SCMH1: variants seen among roughly 807,000 people sequenced by gnomAD.
SCMH1 encodes Scm polycomb group protein homolog 1.
A neutral mutation model predicts 70.8 loss-of-function variants in SCMH1; 37 were observed. That is an observed-to-expected ratio of 0.52 (90% CI 0.40 to 0.69). SCMH1 has a LOEUF of 0.69. SCMH1 is among the 30% of genes least tolerant of loss of function. SCMH1 has a pLI of 0.00. For missense variants in SCMH1, 607 were observed against 827.3 expected, an observed-to-expected ratio of 0.73 and a Z score of 3.27; for synonymous variants, 292 against 307.4, an observed-to-expected ratio of 0.95 and a Z score of 0.52.
At chr1:41,139,987 TAGAC>T (rs1456636881) in intron 6 of SCMH1, among the ~76,000 whole-genome samples, 7 of 152,222 alleles carry the variant, frequency 4.6e-5, no homozygotes, top group Non-Finnish European at 7.3e-5. Flanking sequence ...TACAGTCACT[TAGAC>T]AGAAACTAAT....
intron 10 of SCMH1, among the ~76,000 whole-genome samples, chr1:41,063,865 G>C (rs532910397): frequency 2.1e-4 from 32 of 152,266 alleles, no homozygotes; most frequent in African/African-American, 7.7e-4. Flanking sequence ...GGCTTAGATA[G>C]GTTCATTCGT....
At chr1:41,104,851 C>G (rs1314748271) in intron 8 of SCMH1, among the ~76,000 whole-genome samples, 1 of 152,126 alleles carries the variant, frequency 6.6e-6, no homozygotes, top group Non-Finnish European at 1.5e-5. Flanking sequence ...TGTTTAGTAA[C>G]TGAGAGGTGA....
At chr1:41,100,040 T>C (rs1286570259) in intron 8 of SCMH1, among the ~76,000 whole-genome samples, 2 of 152,176 alleles carry the variant, frequency 1.3e-5, no homozygotes, top group South Asian at 4.1e-4. Context: ...AATAAGACTG[T>C]GTCTATAGGT....
chr1:41,044,606 C>T (rs781137559), intron 12 of SCMH1, among the ~76,000 whole-genome samples: 15 of 152,048 alleles, frequency 9.9e-5, no homozygotes, highest in East Asian at 1.9e-4. Context: ...TGAGCACCCA[C>T]GATGAGAAAC....
intron 6 of SCMH1, among the ~76,000 whole-genome samples, chr1:41,122,941 C>T (rs765549470): frequency 1.3e-5 from 2 of 152,064 alleles, no homozygotes; most frequent in Non-Finnish European, 2.9e-5. Flanking sequence ...AGCTGCAGGC[C>T]GGGCACAGTG....
intron 8 of SCMH1, among the ~76,000 whole-genome samples, chr1:41,105,080 G>C (rs1361910527): frequency 6.6e-6 from 1 of 150,972 alleles, no homozygotes; most frequent in Middle Eastern, 3.4e-3. Flanking sequence ...TTCAATATCC[G>C]AAGTAGCTGG....
intron 2 of SCMH1, among the ~76,000 whole-genome samples, chr1:41,181,939 G>GT (rs1454482837): frequency 1.3e-5 from 2 of 152,124 alleles, no homozygotes; most frequent in African/African-American, 2.4e-5. Context: ...GCAAAGACTT[G>GT]GAACCAACCC....
At chr1:41,115,968 T>C (rs979728640) in intron 7 of SCMH1, among the ~76,000 whole-genome samples, 7 of 152,346 alleles carry the variant, frequency 4.6e-5, no homozygotes, top group Middle Eastern at 3.4e-3. Flanking sequence ...CTTGTGATAA[T>C]TGATGTATCT....
chr1:41,035,733 G>A (rs773512292), intron 13 of SCMH1, among the ~76,000 whole-genome samples: 11 of 152,244 alleles, frequency 7.2e-5, no homozygotes, highest in South Asian at 2.1e-4. Context: ...GCTGACATAC[G>A]TGCTTGAAGG....
intron 6 of SCMH1, 32 bp downstream of exon 6, chr1:41,142,846 T>C: frequency 6.4e-7 from 1 of 1,561,036 alleles, no homozygotes; most frequent in Non-Finnish European, 8.8e-7. Flanking sequence ...TATTAATAAT[T>C]GGCTAGAAAG....
At chr1:41,199,412 T>C (rs1653772722) in intron 1 of SCMH1, among the ~76,000 whole-genome samples, 1 of 152,232 alleles carries the variant, frequency 6.6e-6, no homozygotes, top group African/African-American at 2.4e-5. Context: ...TACTCTTTTA[T>C]GTCCACTTCC....
chr1:41,056,609 T>C (rs1430200529), intron 10 of SCMH1, among the ~76,000 whole-genome samples: 1 of 152,230 alleles, frequency 6.6e-6, no homozygotes, highest in Non-Finnish European at 1.5e-5. Context: ...TCCTTACATC[T>C]GTCAGAGAAG....
chr1:41,106,512 A>C (rs181192861), intron 8 of SCMH1, among the ~76,000 whole-genome samples: 1 of 151,912 alleles, frequency 6.6e-6, no homozygotes, highest in Admixed American at 6.5e-5. Context: ...TAAATTACCC[A>C]GTCTTAGGTA....
At chr1:41,094,821 G>A (rs938664336) in intron 8 of SCMH1, among the ~76,000 whole-genome samples, 1 of 151,904 alleles carries the variant, frequency 6.6e-6, no homozygotes, top group Non-Finnish European at 1.5e-5. Context: ...CCCAGAAGGC[G>A]GAGGTTGCAG....
intron 8 of SCMH1, among the ~76,000 whole-genome samples, chr1:41,098,279 C>T (rs1665634301): frequency 6.6e-6 from 1 of 152,172 alleles, no homozygotes; most frequent in South Asian, 2.1e-4. Flanking sequence ...ATACAAACAA[C>T]ATATATCATT....
chr1:41,181,104 T>A (rs1274882302), intron 2 of SCMH1, among the ~76,000 whole-genome samples: 1 of 152,174 alleles, frequency 6.6e-6, no homozygotes, highest in Admixed American at 6.5e-5. Flanking sequence ...GGGAAACGAT[T>A]CCCTATTTAA....
chr1:41,085,889 G>A (rs1169500775), intron 8 of SCMH1, among the ~76,000 whole-genome samples: 4 of 142,854 alleles, frequency 2.8e-5, no homozygotes, highest in African/African-American at 1.0e-4. Flanking sequence ...TGCCCAGGCT[G>A]GAGTGCAGTG....
intron 12 of SCMH1, among the ~76,000 whole-genome samples, chr1:41,042,611 ACT>A (rs958003567): frequency 1.3e-4 from 19 of 151,038 alleles, no homozygotes; most frequent in African/African-American, 4.6e-4. Flanking sequence ...TGAAGAAGAG[ACT>A]CTGCTCTGAC....
chr1:41,065,637 TAG>T (rs1446005448), intron 10 of SCMH1, among the ~76,000 whole-genome samples: 1 of 152,136 alleles, frequency 6.6e-6, no homozygotes, highest in Non-Finnish European at 1.5e-5. Context: ...TGGAACAGAA[TAG>T]AGAGCCCAGA....
Sources: allele counts gnomAD v4.1 joint callset (sites outside exome capture counted in the v4.1 genomes callset), GRCh38; gene constraint gnomAD v4.1.1; transcripts MANE v1.5; gene names NCBI Gene and HGNC (gene_info 2026-07-23, HGNC 2026-07-21).